The following LRRC36 variants were observed in gnomAD, a reference collection of about 807,000 sequenced individuals.
LRRC36 encodes leucine rich repeat containing 36, also known as leucine-rich repeat-containing protein 36.
Under a neutral mutation model 81.1 loss-of-function variants are expected in LRRC36, and 62 were observed. The ratio of observed to expected loss-of-function variants is 0.76; its 90% CI spans 0.62 to 0.94. LRRC36 has a LOEUF of 0.94. Among genes scored for constraint, LRRC36 ranks in the 40% least tolerant of loss-of-function variants. LRRC36 has a pLI of 0.00. For synonymous variants in LRRC36, 334 were observed against 348.6 expected (o/e 0.96, Z 0.47); for missense variants, 761 against 881.7 (o/e 0.86, Z 1.73).
At chr16:67,378,232 A>ATTTTT (rs1273856739) in intron 11 of LRRC36, among the ~76,000 whole-genome samples, 1 of 112,046 alleles carries the variant, frequency 8.9e-6, no homozygotes, top group Non-Finnish European at 1.7e-5. Flanking sequence ...AGCATGTCAG[A>ATTTTT]TTCTTTTTTT....
rs752537250 is a variant in LRRC36, at chr16:67,326,818, C to T, written c.-45C>T. ...GGGGCAGTGGGCGGGGCCTGGCGTG[C>T]GCCGGGTGGTCTCGCGGGCGGTGGC... On this transcript the variant is annotated 5_prime_UTR_variant, in exon 1 of 14. Coordinates refer to ENST00000329956, the MANE Select transcript of LRRC36 (RefSeq NM_018296.6). 8 of 1,392,780 alleles carry T rather than the reference C, an allele frequency of 5.7e-6. No homozygotes were observed. In the South Asian group the frequency reaches 8.6e-5, roughly 15 times the overall value. 86.3% of individuals were successfully genotyped at this position (1,392,780 alleles called of 1,614,324 possible).
intron 8 of LRRC36, among the ~76,000 whole-genome samples, chr16:67,370,574 A>C (rs2039590173): frequency 1.3e-5 from 2 of 149,268 alleles, no homozygotes; most frequent in Admixed American, 1.4e-4. Flanking sequence ...CAGAGGTTGC[A>C]GTGAGCCGAG....
Position 67,353,712 on chromosome 16 carries a change from T to A in LRRC36, c.577+3422T>A, listed in dbSNP as rs551908719. Among the ~76,000 whole-genome samples the A allele has an allele frequency of 2.1e-4, 32 of 152,226 alleles. 1 individual carries two copies. In the South Asian group the frequency reaches 6.6e-3, roughly 32 times the overall value. Reference sequence around the variant, plus strand: ...CTTGATAGTCTCTTACCAGGCATGGTTAATTATCTCAGTTAATCCTCACAA... The same window carrying A: ...CTTGATAGTCTCTTACCAGGCATGGATAATTATCTCAGTTAATCCTCACAA... On this transcript the variant is annotated intron_variant, in intron 5 of 13. Coordinates refer to ENST00000329956, the MANE Select transcript of LRRC36 (RefSeq NM_018296.6).
chr16:67,372,910 C>G (rs1567498537), intron 9 of LRRC36, among the ~76,000 whole-genome samples: 1 of 152,136 alleles, frequency 6.6e-6, no homozygotes, highest in Non-Finnish European at 1.5e-5. Context: ...TCTTTTCATT[C>G]TCAGTCCCCT....
chr16:67,374,141 T>A (rs2039783194), intron 9 of LRRC36, among the ~76,000 whole-genome samples: 1 of 150,678 alleles, frequency 6.6e-6, no homozygotes, highest in African/African-American at 2.4e-5. Context: ...GACTACAGTG[T>A]GCCAAGATCA....
At chr16:67,334,925 A>C (rs1347584671) in intron 1 of LRRC36, among the ~76,000 whole-genome samples, 1 of 152,122 alleles carries the variant, frequency 6.6e-6, no homozygotes, top group Non-Finnish European at 1.5e-5. Flanking sequence ...GATTTTCAAA[A>C]GGGGAGGGAG....
chr16:67,329,239 TA>T (rs35027144), intron 1 of LRRC36, among the ~76,000 whole-genome samples: 1 of 151,946 alleles, frequency 6.6e-6, no homozygotes, highest in Non-Finnish European at 1.5e-5. Context: ...AAGATTACTT[TA>T]AAAAAAAGTC....
chr16:67,378,919 T>G (rs1227396559), intron 12 of LRRC36, among the ~76,000 whole-genome samples: 2 of 152,224 alleles, frequency 1.3e-5, no homozygotes, highest in Non-Finnish European at 2.9e-5. Context: ...GAAGCTCTTG[T>G]CAGTGGAAAG....
chr16:67,337,772 T>G (rs1432027188), intron 1 of LRRC36, among the ~76,000 whole-genome samples: 1 of 152,170 alleles, frequency 6.6e-6, no homozygotes, highest in African/African-American at 2.4e-5. Context: ...AATTTCCACA[T>G]TTTTGGGTCT....
In LRRC36 at chr16:67,375,367, C is replaced by T; in HGVS notation, c.1615C>T (p.His539Tyr). 1 of 1,607,494 alleles carries T rather than the reference C, an allele frequency of 6.2e-7. No homozygotes were observed. ...LRQLLELVDK[H>Y]WNGSGSLLLN... ...ACAGCTCCTGGAGCTTGTGGATAAG[C>T]ACTGGAATGGCTCCGGCTCCCTCCT... is the stretch of plus-strand genomic sequence containing the variant. Residue 539 changes from histidine (H) to tyrosine (Y), a missense_variant, in exon 10 of 14, where the codon CAC becomes TAC. Transcript: ENST00000329956.
chr16:67,342,879 A>G (rs1301183684), intron 2 of LRRC36, among the ~76,000 whole-genome samples: 4 of 152,132 alleles, frequency 2.6e-5, no homozygotes, highest in South Asian at 2.1e-4. Flanking sequence ...TGCACTTCCT[A>G]GGGGATATTT....
intron 1 of LRRC36, among the ~76,000 whole-genome samples, chr16:67,341,026 CTCTACATAT>C (rs1311284823): frequency 2.0e-4 from 22 of 111,274 alleles, no homozygotes; most frequent in Non-Finnish European, 3.4e-4. Flanking sequence ...AGAATATGTA[CTCTACATAT>C]TCTATAGAAT....
chr16:67,384,980 C>A lies in LRRC36; in HGVS notation c.2156C>A (p.Ser719Ter), dbSNP rs775512605. The change falls in exon 14 of 14, where the codon TCA becomes TAA. Residue 719 changes from serine to a stop codon, truncating the protein, a stop_gained. Coordinates refer to ENST00000329956, the MANE Select transcript of LRRC36 (RefSeq NM_018296.6). LOFTEE classifies it high-confidence loss of function. Reference protein sequence around the residue: ...PPEKGHHLGRSSPFGKSTLSS... With the variant: ...PPEKGHHLGR ...GAGAAGGGTCATCATCTGGGGAGATCATCGCCCTTTGGGAAAAGCACGTTG... is the reference window on the plus strand; with the variant it reads ...GAGAAGGGTCATCATCTGGGGAGATAATCGCCCTTTGGGAAAAGCACGTTG... The A allele has an allele frequency of 6.2e-7, 1 of 1,614,160 alleles. No homozygotes were observed. The highest frequency in any genetic ancestry group is 1.7e-5 in the Admixed American group (1 of 60,024).
intron 8 of LRRC36, 125 bp downstream of exon 8, chr16:67,367,582 A>G: frequency 1.2e-6 from 1 of 841,320 alleles, no homozygotes; most frequent in African/African-American, 1.7e-5. Flanking sequence ...TTTTAGGGTC[A>G]CCAGTGGTTC....
chr16:67,377,745 CT>C (rs996217998), intron 11 of LRRC36, among the ~76,000 whole-genome samples: 7 of 152,052 alleles, frequency 4.6e-5, no homozygotes, highest in Admixed American at 1.3e-4. Context: ...AGCGATTCTC[CT>C]GCCTCAGCCT....
chr16:67,334,464 G>A lies in LRRC36; in HGVS notation c.71-7493G>A, dbSNP rs2037660361. Among the ~76,000 whole-genome samples the A allele has an allele frequency of 3.3e-5, 5 of 151,996 alleles. No homozygotes were observed. The South Asian group carries it at 8.3e-4, about 25-fold the overall frequency. On this transcript the variant is annotated intron_variant, in intron 1 of 13. Coordinates refer to ENST00000329956, the MANE Select transcript of LRRC36 (RefSeq NM_018296.6). ...CTCAGCCTCCCAAGTAGCTGGGACT[G>A]CAGGCGTGTGCCACCATGCCTGGCT...
intron 2 of LRRC36, among the ~76,000 whole-genome samples, chr16:67,345,763 CA>C (rs1485880067): frequency 1.3e-5 from 2 of 151,862 alleles, no homozygotes; most frequent in Non-Finnish European, 2.9e-5. Context: ...ACAACACACA[CA>C]CACATACACA....
Position 67,384,627 on chromosome 16 carries a change from C to T in LRRC36, c.2046-243C>T, listed in dbSNP as rs551561578. Reference sequence around the variant, plus strand: ...AGTGCTTTTGAAAGAACAGAACAACCGCTAGCTATATATAAAATGGGAAAT... The same window carrying T: ...AGTGCTTTTGAAAGAACAGAACAACTGCTAGCTATATATAAAATGGGAAAT... On this transcript the variant is annotated intron_variant, in intron 13 of 13. Transcript: ENST00000329956. Among the ~76,000 whole-genome samples, 8 of 152,192 alleles carry T rather than the reference C, an allele frequency of 5.3e-5. No homozygotes were observed. In the East Asian group the frequency reaches 1.2e-3, roughly 22 times the overall value.
At position 67,348,249 on chromosome 16, in the gene LRRC36, T is replaced by C. The variant is rs899196526; in HGVS notation, c.488+658T>C. Among the ~76,000 whole-genome samples the C allele has an allele frequency of 6.9e-4, 105 of 152,098 alleles. 1 individual carries two copies. Among genetic ancestry groups the C allele is most frequent in the African/African-American group, 2.5e-3 (104 of 41,396 alleles). ...TCACTTCATATCCTACAATTGAGAG[T>C]TAACTATTAGTAATGTTTGGTATAT... On this transcript the variant is annotated intron_variant, in intron 4 of 13. Transcript: ENST00000329956.
Sources: gnomAD v4.1 joint callset for allele counts (sites outside exome capture counted in the v4.1 genomes callset) on GRCh38, gnomAD v4.1.1 for gene constraint, MANE v1.5 for transcripts, NCBI Gene and HGNC (gene_info 2026-07-23, HGNC 2026-07-21) for gene names.